Variants in TBCK observed in about 807,000 individuals in gnomAD.
TBCK encodes the protein TBC domain-containing protein kinase-like protein.
TBCK carries 99 observed loss-of-function variants against 113.4 expected under a neutral mutation model. The ratio of observed to expected loss-of-function variants is 0.87; its 90% CI spans 0.74 to 1.03. TBCK has a LOEUF of 1.03. Ranked by LOEUF, TBCK falls within the 50% of genes least tolerant of loss-of-function variation. The pLI, the probability that TBCK is intolerant of heterozygous loss-of-function variation, is 0.00. For synonymous variants in TBCK, 369 were observed against 370.8 expected (o/e 1.00, Z 0.05); for missense variants, 1,045 against 1,061.3 (o/e 0.98, Z 0.21).
chr4:106,243,597 C>T (rs902264716), intron 11 of TBCK, among the ~76,000 whole-genome samples: 1 of 149,450 alleles, frequency 6.7e-6, no homozygotes, highest in Non-Finnish European at 1.5e-5. Flanking sequence ...CCAAACAATA[C>T]AAAAGTTTAA....
chr4:106,166,129 G>C (rs1750344677), intron 23 of TBCK, among the ~76,000 whole-genome samples: 1 of 151,452 alleles, frequency 6.6e-6, no homozygotes, highest in South Asian at 2.1e-4. Context: ...TTTACAGCAT[G>C]CATACATTAT....
At chr4:106,311,826 AG>A (rs1286031058) in intron 1 of TBCK, among the ~76,000 whole-genome samples, 1 of 152,198 alleles carries the variant, frequency 6.6e-6, no homozygotes, top group Non-Finnish European at 1.5e-5. Flanking sequence ...AGAGTTCAAC[AG>A]GAAAAGGAAA....
intron 25 of TBCK, among the ~76,000 whole-genome samples, chr4:106,085,199 C>T (rs756280766): frequency 9.9e-5 from 15 of 152,032 alleles, no homozygotes; most frequent in Non-Finnish European, 2.2e-4. Flanking sequence ...ATTCAGGAGA[C>T]TCATTTTATG....
intron 23 of TBCK, chr4:106,164,366 A>G (rs1020485153): frequency 6.6e-6 from 1 of 152,068 alleles, no homozygotes; most frequent in African/African-American, 2.4e-5. Flanking sequence ...AAAAGGATAC[A>G]TAATTGTACT....
At chr4:106,135,009 C>A (rs1301938505) in intron 23 of TBCK, among the ~76,000 whole-genome samples, 4 of 151,878 alleles carry the variant, frequency 2.6e-5, no homozygotes, top group African/African-American at 9.7e-5. Context: ...AAATTGGATC[C>A]CAAATGAAGC....
chr4:106,289,244 G>A (rs1765425598), intron 3 of TBCK, among the ~76,000 whole-genome samples: 1 of 152,200 alleles, frequency 6.6e-6, no homozygotes, highest in Non-Finnish European at 1.5e-5. Context: ...TGGGACTAGA[G>A]TGAGGCAAAT....
chr4:106,197,403 G>GTATATATA (rs1482373580), intron 20 of TBCK, among the ~76,000 whole-genome samples: 58 of 111,006 alleles, frequency 5.2e-4, no homozygotes, highest in African/African-American at 1.5e-3. Context: ...GTGTGTGTGT[G>GTATATATA]TGTGTGTGTA....
In TBCK at chr4:106,195,904, T is replaced by C. The variant is rs138230594; in HGVS notation, c.1861-1150A>G. On this transcript the variant is annotated intron_variant, in intron 20 of 25. Transcript: ENST00000394708. ...AATCTCCTCTATCTATGTTTATATA[T>C]CTCCTATTGGTTCTGTTTCTCTAGA... 2.2e-3 allele frequency among the ~76,000 whole-genome samples: 330 copies of C among 152,156 alleles called. 2 individuals carry two copies. Among genetic ancestry groups the C allele is most frequent in the African/African-American group, 6.9e-3 (287 of 41,536 alleles).
At chr4:106,311,883 AT>A (rs1284077110) in intron 1 of TBCK, among the ~76,000 whole-genome samples, 4 of 152,204 alleles carry the variant, frequency 2.6e-5, no homozygotes, top group African/African-American at 7.2e-5. Context: ...ATATAAAAAA[AT>A]AATAACCTCA....
At chr4:106,054,124 A>G (rs1735126946) in intron 25 of TBCK, among the ~76,000 whole-genome samples, 1 of 151,690 alleles carries the variant, frequency 6.6e-6, no homozygotes, top group Non-Finnish European at 1.5e-5. Context: ...AACGGCCTGT[A>G]GCTTTATTCA....
chr4:106,216,388 G>C (rs1164809997), intron 19 of TBCK, among the ~76,000 whole-genome samples: 3 of 152,102 alleles, frequency 2.0e-5, no homozygotes, highest in Non-Finnish European at 2.9e-5. Flanking sequence ...GAAGGAAATA[G>C]AGACACAAAA....
At chr4:106,113,388 GA>G (rs1743088159) in intron 24 of TBCK, among the ~76,000 whole-genome samples, 1 of 151,844 alleles carries the variant, frequency 6.6e-6, no homozygotes, top group Non-Finnish European at 1.5e-5. Flanking sequence ...TGAAAATTTA[GA>G]TGATAAATTT....
chr4:106,240,296 AG>A (rs1759946805), intron 12 of TBCK, among the ~76,000 whole-genome samples: 1 of 152,028 alleles, frequency 6.6e-6, no homozygotes, highest in Non-Finnish European at 1.5e-5. Context: ...GAAATTAGAC[AG>A]GAGTGCCCAC....
In TBCK at chr4:106,147,609, A is replaced by G. The variant is rs1471613879; in HGVS notation, c.2235+23486T>C. On this transcript the variant is annotated intron_variant, in intron 23 of 25. Coordinates refer to ENST00000394708, the MANE Select transcript of TBCK (RefSeq NM_001163435.3). ...TTCATGGACACTTATCACTTCCCCA[A>G]TCAGTACCCTTGTGATTTCCTATGC... Among the ~76,000 whole-genome samples, 2 of 152,118 alleles carry G rather than the reference A, an allele frequency of 1.3e-5. 1 individual carries two copies.
intron 24 of TBCK, among the ~76,000 whole-genome samples, chr4:106,110,885 C>G (rs1742769366): frequency 6.6e-6 from 1 of 151,854 alleles, no homozygotes; most frequent in Non-Finnish European, 1.5e-5. Flanking sequence ...GGAAAAAAGA[C>G]AAGGGATATG....
chr4:106,281,183 G>A (rs776861709), intron 3 of TBCK, among the ~76,000 whole-genome samples: 3 of 151,810 alleles, frequency 2.0e-5, no homozygotes, highest in Admixed American at 6.6e-5. Flanking sequence ...ATTATAAATG[G>A]AATTATTTTC....
chr4:106,115,183 A>T (rs1743344898), intron 24 of TBCK, among the ~76,000 whole-genome samples: 1 of 152,230 alleles, frequency 6.6e-6, no homozygotes, highest in Non-Finnish European at 1.5e-5. Flanking sequence ...CTGATTGAGT[A>T]TCCTTAATCC....
At chr4:106,126,909 A>G (rs1745281689) in intron 23 of TBCK, among the ~76,000 whole-genome samples, 1 of 152,212 alleles carries the variant, frequency 6.6e-6, no homozygotes, top group African/African-American at 2.4e-5. Flanking sequence ...ACTGTGCTCT[A>G]ATTAACTGAA....
intron 25 of TBCK, among the ~76,000 whole-genome samples, chr4:106,073,964 A>G (rs950676162): frequency 9.2e-5 from 14 of 152,316 alleles, no homozygotes; most frequent in South Asian, 2.1e-4. Context: ...TGCTAAGACC[A>G]TTGGAAAAGT....
Sources: gnomAD v4.1 joint callset for allele counts (sites outside exome capture counted in the v4.1 genomes callset) on GRCh38, gnomAD v4.1.1 for gene constraint, MANE v1.5 for transcripts, NCBI Gene and HGNC (gene_info 2026-07-23, HGNC 2026-07-21) for gene names.